The following KANSL1 variants were observed in gnomAD, a reference collection of about 807,000 sequenced individuals.
KANSL1 encodes the protein MLL1/MLL complex subunit KANSL1.
In KANSL1, 22 loss-of-function variants were observed where a neutral mutation model predicts 103.6. The ratio of observed to expected loss-of-function variants is 0.21; its 90% confidence interval spans 0.15 to 0.30. KANSL1 has a LOEUF of 0.30. KANSL1 is among the 10% of genes least tolerant of loss of function. KANSL1 has a pLI of 1.00. For missense variants in KANSL1, 1,337 were observed against 1,399.8 expected, an observed-to-expected ratio of 0.96 and a Z score of 0.72; for synonymous variants, 600 against 527.6, an observed-to-expected ratio of 1.14 and a Z score of -1.88.
At chr17:46,052,701 T>C (rs993529909) in intron 6 of KANSL1, among the ~76,000 whole-genome samples, 5 of 149,692 alleles carry the variant, frequency 3.3e-5, no homozygotes, top group African/African-American at 1.2e-4. Flanking sequence ...TCCCAAAACT[T>C]TGAGGTGGGA....
chr17:46,059,108 G>A (rs1040316719), intron 6 of KANSL1, among the ~76,000 whole-genome samples: 3 of 151,742 alleles, frequency 2.0e-5, no homozygotes, highest in Non-Finnish European at 2.9e-5. Flanking sequence ...CTCTTGTAGG[G>A]CTGAATGGAT....
chr17:46,061,951 G>C, intron 6 of KANSL1, among the ~76,000 whole-genome samples: 1 of 151,782 alleles, frequency 6.6e-6, no homozygotes, highest in East Asian at 1.9e-4. Context: ...TATTAGCCAG[G>C]CGTCGTCGTG....
chr17:46,161,249 CTAAAAAA>C, intron 2 of KANSL1, among the ~76,000 whole-genome samples: 1 of 79,530 alleles, frequency 1.3e-5, no homozygotes, highest in African/African-American at 8.6e-5. Context: ...CCCACCTCTA[CTAAAAAA>C]AAAAAAAAAA....
intron 6 of KANSL1, among the ~76,000 whole-genome samples, chr17:46,063,464 T>A (rs2078251833): frequency 6.6e-6 from 1 of 152,224 alleles, no homozygotes; most frequent in Non-Finnish European, 1.5e-5. Flanking sequence ...AGGAGCCATG[T>A]GAGACACAGA....
chr17:46,040,347 TTC>T (rs1361783764), intron 7 of KANSL1: 2 of 154,464 alleles, frequency 1.3e-5, no homozygotes, highest in African/African-American at 4.8e-5. Context: ...CTACATACCA[TTC>T]TCTCTTTCCT....
chr17:46,203,130 G>A (rs1053944253), intron 1 of KANSL1, among the ~76,000 whole-genome samples: 1 of 152,202 alleles, frequency 6.6e-6, no homozygotes, highest in Admixed American at 6.5e-5. Flanking sequence ...TACTCGGGAG[G>A]CTGAAGCAGG....
intron 2 of KANSL1, among the ~76,000 whole-genome samples, chr17:46,164,936 A>G (rs1214205358): frequency 1.3e-5 from 2 of 152,186 alleles, no homozygotes; most frequent in Non-Finnish European, 2.9e-5. Flanking sequence ...CCACTTTATG[A>G]AATGATAAAG....
intron 2 of KANSL1, among the ~76,000 whole-genome samples, chr17:46,139,164 CAATGTCTATTTACT>C (rs1343493719): frequency 1.3e-5 from 2 of 152,118 alleles, no homozygotes; most frequent in Non-Finnish European, 2.9e-5. Flanking sequence ...CACAGGAAAC[CAATGTCTATTTACT>C]AATGTCTATT....
intron 6 of KANSL1, among the ~76,000 whole-genome samples, chr17:46,054,890 G>A (rs900674307): frequency 6.8e-5 from 10 of 146,204 alleles, no homozygotes; most frequent in African/African-American, 2.0e-4. Flanking sequence ...TCTCGCTGTC[G>A]CCCAGGCTGG....
intron 1 of KANSL1, among the ~76,000 whole-genome samples, chr17:46,199,222 GTC>G (rs1156269983): frequency 6.6e-6 from 1 of 152,244 alleles, no homozygotes; most frequent in Admixed American, 6.5e-5. Flanking sequence ...TGGAATCAGG[GTC>G]TCTCAGTCTT....
intron 4 of KANSL1, among the ~76,000 whole-genome samples, chr17:46,075,342 A>T (rs112262016): frequency 8.9e-6 from 1 of 112,486 alleles, no homozygotes; most frequent in African/African-American, 2.6e-5. Context: ...ACACACACAC[A>T]CTCTCTCTTT....
At chr17:46,187,655 AAG>A (rs1478066467) in intron 1 of KANSL1, among the ~76,000 whole-genome samples, 2 of 152,266 alleles carry the variant, frequency 1.3e-5, no homozygotes, top group African/African-American at 4.8e-5. Flanking sequence ...AACACTGTGG[AAG>A]CAGCTTAAAA....
At chr17:46,200,065 A>ACACACACACACACC (rs760204883) in intron 1 of KANSL1, among the ~76,000 whole-genome samples, 4 of 151,190 alleles carry the variant, frequency 2.6e-5, no homozygotes, top group Non-Finnish European at 4.4e-5. Flanking sequence ...ACACACACAC[A>ACACACACACACACC]CCCTGATTAT....
chr17:46,041,915 T>TGTGTGTGTG, intron 7 of KANSL1: 1 of 91,300 alleles, frequency 1.1e-5, no homozygotes, highest in African/African-American at 4.9e-5. Context: ...TGTGTGTATA[T>TGTGTGTGTG]TTTTTTTTTT....
At position 46,192,180 on chromosome 17, in the gene KANSL1, C is replaced by T. The variant is rs2732596; in HGVS notation, c.-90+643G>A. 0.14 allele frequency among the ~76,000 whole-genome samples: 21,946 copies of T among 152,088 alleles called. 2,126 individuals carry two copies. Among genetic ancestry groups the T allele is most frequent in the Non-Finnish European group, 0.22 (14,815 of 67,970 alleles). The stretch of plus-strand genomic sequence containing the variant: ...TTTTAAGTAAGACACGGGAGTAGCG[C>T]TGTTTATCGTATGGAAAACAAACTA... On this transcript the variant is annotated intron_variant, in intron 1 of 14. Coordinates refer to ENST00000432791, the MANE Select transcript of KANSL1 (RefSeq NM_015443.4).
Position 46,030,315 on chromosome 17 carries a change from G to GA in KANSL1, c.*1160dup, listed in dbSNP as rs1231857039. On this transcript the variant is annotated 3_prime_UTR_variant, in exon 15 of 15. Coordinates refer to ENST00000432791, the MANE Select transcript of KANSL1 (RefSeq NM_015443.4). ...AAAAATCACTAATGTTGAAAATTGTGAAAAAACCCCAACCATTAAGCAGTT... is the reference window on the plus strand; with the variant it reads ...AAAAATCACTAATGTTGAAAATTGTGAAAAAAACCCCAACCATTAAGCAGTT... 1.3e-5 allele frequency: 2 copies of GA among 150,996 alleles called. No individual in the cohort carries two copies. Among genetic ancestry groups the GA allele is most frequent in the Non-Finnish European group, 1.5e-5 (1 of 67,762 alleles). 9.4% of individuals were successfully genotyped at this position (150,996 alleles called of 1,614,324 possible). A position where few individuals can be genotyped will look rare whatever the true frequency, so the allele number is the denominator to read the frequency against.
intron 2 of KANSL1, among the ~76,000 whole-genome samples, chr17:46,112,294 G>A (rs2042844222): frequency 6.9e-6 from 1 of 144,904 alleles, no homozygotes; most frequent in African/African-American, 2.6e-5. Flanking sequence ...CTTGAACCCA[G>A]GAGGTGAAGG....
intron 1 of KANSL1, among the ~76,000 whole-genome samples, chr17:46,190,001 T>C (rs1188398262): frequency 1.3e-5 from 2 of 151,102 alleles, no homozygotes; most frequent in African/African-American, 4.9e-5. Context: ...AATACTAAAA[T>C]ACCTTCTCAA....
In KANSL1 at chr17:46,154,170, G is replaced by A. The variant is rs114997848; in HGVS notation, c.1289+16685C>T. On this transcript the variant is annotated intron_variant, in intron 2 of 14. Coordinates refer to ENST00000432791, the MANE Select transcript of KANSL1 (RefSeq NM_015443.4). ...ACAAGAAAGAACAAAGCACTGGTTC[G>A]CACACCTCTCTCCACCCCAGTTAAG... Among the ~76,000 whole-genome samples, 1,462 of 152,284 alleles carry A rather than the reference G, an allele frequency of 9.6e-3. 19 individuals carry two copies. Among genetic ancestry groups the A allele is most frequent in the African/African-American group, 0.034 (1,415 of 41,530 alleles).
Sources: allele counts gnomAD v4.1 joint callset (sites outside exome capture counted in the v4.1 genomes callset), GRCh38; gene constraint gnomAD v4.1.1; transcripts MANE v1.5; gene names NCBI Gene and HGNC (gene_info 2026-07-23, HGNC 2026-07-21).